Variants in CEP162 observed in about 807,000 individuals in gnomAD.
CEP162 encodes the protein centrosomal protein of 162 kDa.
A neutral mutation model predicts 169.2 loss-of-function variants in CEP162; 141 were observed. The ratio of observed to expected loss-of-function variants is 0.83; its 90% confidence interval spans 0.73 to 0.96. The LOEUF (loss-of-function observed/expected upper bound fraction) is 0.96, where lower values mean the gene tolerates loss of function less well. Among genes scored for constraint, CEP162 ranks in the 40% least tolerant of loss-of-function variants. The pLI is 0.00. For missense variants in CEP162, 1,600 were observed against 1,587.2 expected (o/e 1.01, Z -0.14); for synonymous variants, 540 against 526.4 (o/e 1.03, Z -0.35).
intron 25 of CEP162, among the ~76,000 whole-genome samples, chr6:84,143,594 A>G (rs1384138979): frequency 6.6e-6 from 1 of 152,000 alleles, no homozygotes; most frequent in Non-Finnish European, 1.5e-5. Flanking sequence ...ACGAAGAACA[A>G]AAAAATGAAT....
At chr6:84,179,720 T>G (rs2099533943) in intron 13 of CEP162, among the ~76,000 whole-genome samples, 1 of 152,256 alleles carries the variant, frequency 6.6e-6, no homozygotes, top group East Asian at 1.9e-4. Context: ...AACACATTTC[T>G]GCAAATAAAC....
rs534957877 is a variant in CEP162, at chr6:84,189,583, G to A, written c.1110-2960C>T. The stretch of plus-strand genomic sequence containing the variant: ...CCACCGGCGCTGCGCTCGATTTCTC[G>A]CCGGGCCTTAGCTGCCTTCCCACAG... On this transcript the variant is annotated intron_variant, in intron 11 of 26. Transcript: ENST00000403245. Among the ~76,000 whole-genome samples, 377 of 152,316 alleles carry A rather than the reference G, an allele frequency of 2.5e-3. 1 individual carries two copies. The highest frequency in any genetic ancestry group is 8.1e-3 in the African/African-American group (336 of 41,586).
At chr6:84,202,663 G>A (rs1048033868) in intron 7 of CEP162, among the ~76,000 whole-genome samples, 4 of 151,220 alleles carry the variant, frequency 2.6e-5, no homozygotes, top group African/African-American at 9.7e-5. Context: ...GAGCAGCTGG[G>A]ACTACAGGCA....
intron 5 of CEP162, among the ~76,000 whole-genome samples, chr6:84,213,440 G>A (rs2127747742): frequency 6.6e-6 from 1 of 152,276 alleles, no homozygotes; most frequent in South Asian, 2.1e-4. Flanking sequence ...ATGCTAATAA[G>A]CAATTTAATC....
At chr6:84,146,854 A>T (rs763753425) in intron 24 of CEP162, 69 bp from the exon 25 acceptor site, 1 of 789,126 alleles carries the variant, frequency 1.3e-6, no homozygotes, top group Non-Finnish European at 2.0e-6. Context: ...AATATAAGAA[A>T]GCCAACTCAC....
intron 25 of CEP162, among the ~76,000 whole-genome samples, chr6:84,140,761 G>A (rs2099516260): frequency 6.6e-6 from 1 of 152,084 alleles, no homozygotes; most frequent in South Asian, 2.1e-4. Flanking sequence ...CTGGCCTTGG[G>A]AGATCCTCTC....
chr6:84,200,008 T>A (rs1285655582), intron 9 of CEP162, among the ~76,000 whole-genome samples: 1 of 152,214 alleles, frequency 6.6e-6, no homozygotes, highest in Non-Finnish European at 1.5e-5. Context: ...CCCAGCACTT[T>A]GGGAGGCTGA....
intron 6 of CEP162, among the ~76,000 whole-genome samples, chr6:84,205,267 A>G (rs1306066624): frequency 6.6e-6 from 1 of 152,070 alleles, no homozygotes; most frequent in African/African-American, 2.4e-5. Flanking sequence ...CAGAGACACA[A>G]CAACAAAAAA....
intron 23 of CEP162, among the ~76,000 whole-genome samples, chr6:84,150,513 G>C (rs1368756587): frequency 6.6e-6 from 1 of 152,000 alleles, no homozygotes; most frequent in South Asian, 2.1e-4. Context: ...AGTGTGAGTA[G>C]GGTCCTAGAA....
rs1043010319 is a variant in CEP162, at chr6:84,217,062, C to G, written c.173-1140G>C. On this transcript the variant is annotated intron_variant, in intron 3 of 26. Transcript: ENST00000403245. ...GTTAGTGCCAGCTATACAATGAAGTCCTTTACCATCACGAAGGTTAAAATC... is the reference window on the plus strand; with the variant it reads ...GTTAGTGCCAGCTATACAATGAAGTGCTTTACCATCACGAAGGTTAAAATC... 3.9e-5 allele frequency among the ~76,000 whole-genome samples: 6 copies of G among 152,046 alleles called. No individual in the cohort carries two copies. The East Asian group carries it at 1.2e-3, about 29-fold the overall frequency.
intron 24 of CEP162, among the ~76,000 whole-genome samples, chr6:84,148,024 A>T (rs1015502596): frequency 6.6e-6 from 1 of 152,132 alleles, no homozygotes; most frequent in African/African-American, 2.4e-5. Context: ...TGGCATCATG[A>T]TACTACTTTT....
In CEP162 at chr6:84,204,358, T is replaced by C. The variant is rs1253085386; in HGVS notation, c.572-262A>G. Among the ~76,000 whole-genome samples, 3 of 152,234 alleles carry C rather than the reference T, an allele frequency of 2.0e-5. No homozygotes were observed. The East Asian group carries it at 5.8e-4, about 29-fold the overall frequency. On this transcript the variant is annotated intron_variant, in intron 6 of 26. Transcript: ENST00000403245. Reference sequence around the variant, plus strand: ...GCACTCCTCGGCAAATGTAAAAGAATATAAATGATAACAAACTGTCTCTCA... The same window carrying C: ...GCACTCCTCGGCAAATGTAAAAGAACATAAATGATAACAAACTGTCTCTCA...
chr6:84,182,302 T>C (rs902750679), intron 13 of CEP162, among the ~76,000 whole-genome samples: 1 of 152,094 alleles, frequency 6.6e-6, no homozygotes, highest in Non-Finnish European at 1.5e-5. Context: ...TTTTAAATAA[T>C]AAGCATATAT....
rs1588874238 is a variant in CEP162, at chr6:84,206,241, A to G, written c.572-2145T>C. On this transcript the variant is annotated intron_variant, in intron 6 of 26. Coordinates refer to ENST00000403245, the MANE Select transcript of CEP162 (RefSeq NM_014895.4). ...CTACTTTAAAGTTCATATGGAACCA[A>G]AAAAGAGCCTGCATTACCAAGACAA... Among the ~76,000 whole-genome samples, 2 of 149,096 alleles carry G rather than the reference A, an allele frequency of 1.3e-5. 1 individual carries two copies. The highest frequency in any genetic ancestry group is 5.2e-5 in the African/African-American group (2 of 38,468).
intron 21 of CEP162, among the ~76,000 whole-genome samples, chr6:84,160,551 T>C (rs954446128): frequency 6.6e-6 from 1 of 152,204 alleles, no homozygotes; most frequent in Non-Finnish European, 1.5e-5. Flanking sequence ...TCCTTCTTCC[T>C]AGATGTCTAA....
Position 84,169,453 on chromosome 6 carries a change from AAAAGTT to A in CEP162, c.2280-26_2280-21del. 6.8e-7 allele frequency: 1 copy of A among 1,469,030 alleles called. No homozygotes were observed. The highest frequency in any genetic ancestry group is 9.2e-7 in the Non-Finnish European group (1 of 1,090,652). The allele number at this position is 1,469,030 out of a possible 1,614,324, so 91.0% of individuals were successfully genotyped here. A position where few individuals can be genotyped will look rare whatever the true frequency, so the allele number is the denominator to read the frequency against. On this transcript the variant is annotated intron_variant, in intron 17 of 26. Transcript: ENST00000403245. Reference sequence around the variant, plus strand: ...TGTTCTCTAATTTATTTTGAAAATAAAAAGTTGTTTTTCTTTCTTACCAGGTGCTCC... The same window carrying A: ...TGTTCTCTAATTTATTTTGAAAATAAGTTTTTCTTTCTTACCAGGTGCTCC...
At chr6:84,211,641 C>T (rs1321635433) in intron 6 of CEP162, among the ~76,000 whole-genome samples, 1 of 148,590 alleles carries the variant, frequency 6.7e-6, no homozygotes, top group Middle Eastern at 3.4e-3. Context: ...AACAGTGAAG[C>T]ACAGAAAGAA....
intron 2 of CEP162, among the ~76,000 whole-genome samples, chr6:84,224,078 T>C (rs13437100): frequency 0.021 from 3,194 of 152,174 alleles, 105 homozygotes; most frequent in African/African-American, 0.071. Context: ...CACAAAAACT[T>C]GTACATGATT....
chr6:84,125,013 AC>A lies in CEP162; in HGVS notation c.*56del. 1 of 1,303,820 alleles carries A rather than the reference AC, an allele frequency of 7.7e-7. No individual in the cohort carries two copies. The highest frequency in any genetic ancestry group is 1.1e-6 in the Non-Finnish European group (1 of 913,910). 80.8% of individuals were successfully genotyped at this position (1,303,820 alleles called of 1,614,324 possible). On this transcript the variant is annotated 3_prime_UTR_variant, in exon 27 of 27. Coordinates refer to ENST00000403245, the MANE Select transcript of CEP162 (RefSeq NM_014895.4). ...TTTCATAAGCTGTCCTGACAGTGGC[AC>A]AATCCCATCCATCTTCAGGCCTTTT... is the stretch of plus-strand genomic sequence containing the variant.
Sources: gnomAD v4.1 joint callset for allele counts (sites outside exome capture counted in the v4.1 genomes callset) on GRCh38, gnomAD v4.1.1 for gene constraint, MANE v1.5 for transcripts, NCBI Gene and HGNC (gene_info 2026-07-23, HGNC 2026-07-21) for gene names.